The following CNTN4 variants were observed in gnomAD, a reference collection of about 807,000 sequenced individuals.
The protein encoded by CNTN4 is contactin 4.
CNTN4 carries 77 observed loss-of-function variants against 122.5 expected under a neutral mutation model. The ratio of observed to expected loss-of-function variants is 0.63; its 90% CI spans 0.52 to 0.76. The LOEUF (loss-of-function observed/expected upper bound fraction) is 0.76, where lower values mean the gene tolerates loss of function less well. CNTN4 is among the 30% of genes least tolerant of loss of function. The pLI is 0.00. For synonymous variants in CNTN4, 512 were observed against 447.0 expected (o/e 1.15, Z -1.83); for missense variants, 1,256 against 1,259.1 (o/e 1.00, Z 0.04).
At chr3:2,348,760 T>G (rs2044498281) in intron 3 of CNTN4, among the ~76,000 whole-genome samples, 1 of 152,200 alleles carries the variant, frequency 6.6e-6, no homozygotes, top group Non-Finnish European at 1.5e-5. Context: ...TTATCCACAA[T>G]GCTCTTTTAA....
intron 3 of CNTN4, among the ~76,000 whole-genome samples, chr3:2,425,656 T>C (rs2047798517): frequency 6.6e-6 from 1 of 152,176 alleles, no homozygotes; most frequent in Non-Finnish European, 1.5e-5. Context: ...ATAAATTACC[T>C]TGGGCAGTAT....
At chr3:2,635,847 A>G (rs956772532) in intron 4 of CNTN4, among the ~76,000 whole-genome samples, 5 of 152,198 alleles carry the variant, frequency 3.3e-5, no homozygotes, top group African/African-American at 1.2e-4. Flanking sequence ...CAGGTCTCCC[A>G]GATAGTTTCA....
chr3:2,296,994 A>G (rs921718268), intron 2 of CNTN4, among the ~76,000 whole-genome samples: 1 of 152,170 alleles, frequency 6.6e-6, no homozygotes, highest in South Asian at 2.1e-4. Context: ...AATGGAAACA[A>G]TTTCAAAAAG....
chr3:2,960,899 C>T (rs2094846167), intron 13 of CNTN4, among the ~76,000 whole-genome samples: 1 of 152,052 alleles, frequency 6.6e-6, no homozygotes, highest in South Asian at 2.1e-4. Flanking sequence ...CTACCCCTTG[C>T]GGCTTTTCAA....
intron 2 of CNTN4, among the ~76,000 whole-genome samples, chr3:2,256,173 A>G (rs2040582723): frequency 6.6e-6 from 1 of 152,204 alleles, no homozygotes; most frequent in Admixed American, 6.5e-5. Flanking sequence ...CTCTATGCAA[A>G]TAAACGAGAA....
intron 4 of CNTN4, among the ~76,000 whole-genome samples, chr3:2,711,940 T>A (rs2087175893): frequency 6.6e-6 from 1 of 152,220 alleles, no homozygotes; most frequent in Admixed American, 6.5e-5. Flanking sequence ...AACAATTTTT[T>A]TAAAACTCTT....
intron 4 of CNTN4, among the ~76,000 whole-genome samples, chr3:2,578,438 A>C (rs546808277): frequency 1.3e-5 from 2 of 152,310 alleles, no homozygotes; most frequent in Admixed American, 1.3e-4. Context: ...GAGAGCACAC[A>C]GTAGTTCATT....
At chr3:2,399,911 C>T (rs189542994) in intron 3 of CNTN4, among the ~76,000 whole-genome samples, 42 of 152,112 alleles carry the variant, frequency 2.8e-4, no homozygotes, top group Non-Finnish European at 4.9e-4. Flanking sequence ...TAAAGAGTAA[C>T]CTCTGCATTT....
intron 2 of CNTN4, among the ~76,000 whole-genome samples, chr3:2,287,433 C>G (rs2041941162): frequency 6.6e-6 from 1 of 151,802 alleles, no homozygotes; most frequent in Admixed American, 6.6e-5. Flanking sequence ...GAGACCTCAT[C>G]TCTACAAAAA....
chr3:2,520,436 C>T (rs894535469), intron 3 of CNTN4, among the ~76,000 whole-genome samples: 2 of 151,776 alleles, frequency 1.3e-5, no homozygotes, highest in African/African-American at 4.8e-5. Context: ...CCACACGCTG[C>T]TAATTGTTGT....
In CNTN4 at chr3:2,819,484, A is replaced by G; in HGVS notation, c.359-2A>G. On this transcript the variant is annotated splice_acceptor_variant, in intron 6 of 24. Transcript: ENST00000418658. LOFTEE classifies it high-confidence loss of function. The stretch of plus-strand genomic sequence containing the variant: ...TGCTTTTTCCCATATTTCTCCCAAC[A>G]GATCTTGACAACTTTAAAACAAGAA... The G allele has an allele frequency of 6.2e-7, 1 of 1,611,612 alleles. No homozygotes were observed. Among genetic ancestry groups the G allele is most frequent in the Non-Finnish European group, 8.5e-7 (1 of 1,177,668 alleles).
At chr3:2,158,508 A>G (rs2035820841) in intron 2 of CNTN4, among the ~76,000 whole-genome samples, 1 of 152,186 alleles carries the variant, frequency 6.6e-6, no homozygotes, top group South Asian at 2.1e-4. Flanking sequence ...TTAGATGAAA[A>G]TGGTTGGGCC....
intron 23 of CNTN4, among the ~76,000 whole-genome samples, chr3:3,051,722 C>T (rs1701293075): frequency 6.6e-6 from 1 of 152,144 alleles, no homozygotes; most frequent in Non-Finnish European, 1.5e-5. Context: ...GTGTTTTCCA[C>T]CTTGTGTTAG....
At chr3:2,489,450 G>T (rs534041532) in intron 3 of CNTN4, among the ~76,000 whole-genome samples, 2 of 152,122 alleles carry the variant, frequency 1.3e-5, no homozygotes, top group African/African-American at 2.4e-5. Context: ...ATTCCCTTAT[G>T]CTATATTTGT....
At chr3:2,550,707 C>A (rs146186351) in intron 3 of CNTN4, among the ~76,000 whole-genome samples, 1 of 152,258 alleles carries the variant, frequency 6.6e-6, no homozygotes. Context: ...ACCCAAATGT[C>A]TATCATTGAT....
intron 3 of CNTN4, among the ~76,000 whole-genome samples, chr3:2,467,369 T>C (rs1424165738): frequency 2.6e-5 from 4 of 152,216 alleles, no homozygotes; most frequent in Non-Finnish European, 5.9e-5. Flanking sequence ...CTTGGACAGT[T>C]ATTAACTCTA....
At chr3:2,447,093 A>G (rs990466776) in intron 3 of CNTN4, among the ~76,000 whole-genome samples, 2 of 152,152 alleles carry the variant, frequency 1.3e-5, no homozygotes, top group Non-Finnish European at 2.9e-5. Context: ...TTATTCCTCT[A>G]CTAACTGCCT....
intron 4 of CNTN4, among the ~76,000 whole-genome samples, chr3:2,614,641 G>A (rs1434526274): frequency 1.3e-5 from 2 of 152,130 alleles, no homozygotes; most frequent in Non-Finnish European, 2.9e-5. Context: ...TTGAGCTACG[G>A]CATAGACGAT....
rs573078060 is a variant in CNTN4 at position 2,323,120 on chromosome 3, C to G, written c.-144-16058C>G. On this transcript the variant is annotated intron_variant, in intron 2 of 24. Coordinates refer to ENST00000418658, the MANE Select transcript of CNTN4 (RefSeq NM_175607.3). The stretch of plus-strand genomic sequence containing the variant: ...GGAGAGACTGATCTGGAATGACTGT[C>G]AATAACAACAACCATATACCTGAAG... 6.0e-4 allele frequency among the ~76,000 whole-genome samples: 92 copies of G among 152,248 alleles called. No individual in the cohort carries two copies. The South Asian group carries it at 0.018, about 31-fold the overall frequency.
Sources: allele counts gnomAD v4.1 joint callset (sites outside exome capture counted in the v4.1 genomes callset), GRCh38; gene constraint gnomAD v4.1.1; transcripts MANE v1.5; gene names NCBI Gene and HGNC (gene_info 2026-07-23, HGNC 2026-07-21).